Variants in NTN1 observed in about 807,000 individuals in gnomAD.
NTN1 encodes the protein netrin-1.
NTN1 carries 11 observed loss-of-function variants against 54.2 expected under a neutral mutation model. That is an observed-to-expected ratio of 0.20 (90% CI 0.13 to 0.34). The LOEUF (loss-of-function observed/expected upper bound fraction) is 0.34. Ranked by LOEUF, NTN1 falls within the 10% of genes least tolerant of loss-of-function variation. The pLI is 1.00. For synonymous variants in NTN1, 371 were observed against 382.0 expected, an observed-to-expected ratio of 0.97 and a Z score of 0.33; for missense variants, 740 against 893.1, an observed-to-expected ratio of 0.83 and a Z score of 2.18.
In NTN1 at chr17:9,221,165, C is replaced by T; in HGVS notation, c.1412-3C>T. On this transcript the variant is annotated splice_polypyrimidine_tract_variant and splice_region_variant and intron_variant, in intron 5 of 6. Transcript: ENST00000173229. This position sits in a 1 kb window ranked among gnomAD's most constrained non-coding sequence, Gnocchi z 4.5. ...TCTGTGCTCCCCCCCCACCCCCCTGCAGACTGCGATTCCTACTGCAAGGCC... is the reference window on the plus strand; with the variant it reads ...TCTGTGCTCCCCCCCCACCCCCCTGTAGACTGCGATTCCTACTGCAAGGCC... 8 of 1,595,284 alleles carry T rather than the reference C, an allele frequency of 5.0e-6. No homozygotes were observed. Among genetic ancestry groups the T allele is most frequent in the Non-Finnish European group, 6.9e-6 (8 of 1,165,382 alleles).
intron 2 of NTN1, among the ~76,000 whole-genome samples, chr17:9,114,166 A>ATATATATATAT (rs59456522): frequency 8.4e-4 from 63 of 74,590 alleles, no homozygotes; most frequent in African/African-American, 2.7e-3. Flanking sequence ...AAAAAAAAAA[A>ATATATATATAT]ATATATATAT....
In NTN1 at chr17:9,219,722, C is replaced by T. The variant is rs1025574437; in HGVS notation, c.1412-1446C>T. On this transcript the variant is annotated intron_variant, in intron 5 of 6. Coordinates refer to ENST00000173229, the MANE Select transcript of NTN1 (RefSeq NM_004822.3). The surrounding 1 kb of genome is among the most constrained non-coding windows in gnomAD (Gnocchi z 4.5). ...CTGGGAGGCCTCTGCTTTCCTGCTTCGGCTTCCCCTTGTGCTCCCACACAA... is the reference window on the plus strand; with the variant it reads ...CTGGGAGGCCTCTGCTTTCCTGCTTTGGCTTCCCCTTGTGCTCCCACACAA... 6.6e-6 allele frequency among the ~76,000 whole-genome samples: 1 copy of T among 152,204 alleles called. No individual in the cohort carries two copies. The highest frequency in any genetic ancestry group is 2.4e-5 in the African/African-American group (1 of 41,450).
intron 6 of NTN1, among the ~76,000 whole-genome samples, chr17:9,232,916 G>A (rs1472950700): frequency 1.3e-5 from 2 of 152,144 alleles, no homozygotes; most frequent in Non-Finnish European, 2.9e-5. Flanking sequence ...CTCGTGACAC[G>A]CTTTCCACAG....
Position 9,182,929 on chromosome 17 carries a change from G to T in NTN1, c.1371G>T (p.Ala457=). Residue 457 remains alanine (A), a synonymous_variant, in exon 5 of 7, where the codon GCG becomes GCT. Transcript: ENST00000173229. ...AACCTCACAAAGAGATCCCTGTAGC[G>T]CCGCCGACGACTGCAGCCAGCAGCG... ...PIAPCIKIPV[A]PPTTAASSVE... 6.2e-7 allele frequency: 1 copy of T among 1,613,958 alleles called. No individual in the cohort carries two copies. The highest frequency in any genetic ancestry group is 1.1e-5 in the South Asian group (1 of 91,072).
intron 3 of NTN1, among the ~76,000 whole-genome samples, chr17:9,164,858 G>T (rs11651361): frequency 2.0e-5 from 3 of 152,102 alleles, no homozygotes; most frequent in Non-Finnish European, 4.4e-5. Flanking sequence ...TGAATGGGAA[G>T]GTGGCCCAGG....
At chr17:9,210,426 ACACACACACC>A (rs1195875405) in intron 5 of NTN1, among the ~76,000 whole-genome samples, 17 of 84,502 alleles carry the variant, frequency 2.0e-4, no homozygotes, top group African/African-American at 1.0e-3. Context: ...GCGTGCACAC[ACACACACACC>A]CCCACACCCA....
intron 2 of NTN1, among the ~76,000 whole-genome samples, chr17:9,069,295 T>G (rs2092025528): frequency 6.6e-6 from 1 of 152,042 alleles, no homozygotes; most frequent in African/African-American, 2.4e-5. Context: ...AGTTTATAGC[T>G]ATGGGAATTA....
chr17:9,051,963 GT>G (rs781173173), intron 2 of NTN1, among the ~76,000 whole-genome samples: 91 of 144,566 alleles, frequency 6.3e-4, no homozygotes, highest in Non-Finnish European at 6.1e-4. Context: ...ACACGTTTGG[GT>G]TTTTTTTTTT....
chr17:9,035,098 C>A (rs1476840467), intron 2 of NTN1, among the ~76,000 whole-genome samples: 1 of 152,140 alleles, frequency 6.6e-6, no homozygotes, highest in Non-Finnish European at 1.5e-5. Flanking sequence ...AGGCGCCCGC[C>A]ACCACACCCG....
intron 5 of NTN1, among the ~76,000 whole-genome samples, chr17:9,193,888 T>C (rs1904536801): frequency 8.3e-6 from 1 of 120,178 alleles, no homozygotes; most frequent in Non-Finnish European, 1.6e-5. Flanking sequence ...GCCATTGTAC[T>C]CCAGCCTGGG....
rs748059857 is a variant in NTN1, at chr17:9,179,968, G to C, written c.1357+12G>C. The C allele has an allele frequency of 3.1e-6, 5 of 1,607,192 alleles. No individual in the cohort carries two copies. The highest frequency in any genetic ancestry group is 3.3e-4 in the Middle Eastern group (2 of 6,054). Reference sequence around the variant, plus strand: ...CGCCCCCTGCATAAGTATGTGTGGGGCACCCTGCTTTTCAAGTCTCTGGCT... The same window carrying C: ...CGCCCCCTGCATAAGTATGTGTGGGCCACCCTGCTTTTCAAGTCTCTGGCT... On this transcript the variant is annotated intron_variant, in intron 4 of 6. Transcript: ENST00000173229.
intron 2 of NTN1, among the ~76,000 whole-genome samples, chr17:9,050,759 C>T (rs2091957976): frequency 6.6e-6 from 1 of 151,160 alleles, no homozygotes. Flanking sequence ...TCGTTTTCAT[C>T]TGTGAAACGG....
At chr17:9,144,213 C>T (rs983357087) in intron 2 of NTN1, among the ~76,000 whole-genome samples, 15 of 151,770 alleles carry the variant, frequency 9.9e-5, no homozygotes, top group African/African-American at 1.9e-4. Flanking sequence ...TCTTTTATAT[C>T]GATCTCCCCA....
intron 2 of NTN1, among the ~76,000 whole-genome samples, chr17:9,095,380 C>G (rs1296820318): frequency 5.9e-5 from 9 of 152,196 alleles, no homozygotes. Context: ...TTAGTGTATT[C>G]TAGCACTTTC....
intron 5 of NTN1, among the ~76,000 whole-genome samples, chr17:9,198,941 A>T (rs182698107): frequency 1.2e-3 from 185 of 152,246 alleles, no homozygotes; most frequent in Non-Finnish European, 2.2e-3. Flanking sequence ...GGTACCCACT[A>T]CCAGCTCCTG....
intron 2 of NTN1, among the ~76,000 whole-genome samples, chr17:9,110,034 C>T (rs905504335): frequency 5.3e-5 from 8 of 152,132 alleles, no homozygotes; most frequent in Admixed American, 1.3e-4. Flanking sequence ...TACATGGTGC[C>T]ATTATTTTCT....
the NTN1 span, among the ~76,000 whole-genome samples, chr17:9,007,488 TTCTTTC>T: frequency 8.6e-5 from 13 of 151,300 alleles, no homozygotes; most frequent in Admixed American, 7.2e-4. Flanking sequence ...CATTCATTCT[TTCTTTC>T]TCTTTATCTT....
At chr17:9,015,184 G>A in the NTN1 span, among the ~76,000 whole-genome samples, 18 of 152,326 alleles carry the variant, frequency 1.2e-4, no homozygotes, top group Non-Finnish European at 2.1e-4. Flanking sequence ...GCCGAGGCAG[G>A]TGGATCACTT....
At chr17:9,061,060 C>T (rs1363476190) in intron 2 of NTN1, among the ~76,000 whole-genome samples, 1 of 151,260 alleles carries the variant, frequency 6.6e-6, no homozygotes, top group Non-Finnish European at 1.5e-5. Context: ...TACTCAACCA[C>T]AGTGACCTTG....
Sources: allele counts gnomAD v4.1 joint callset (sites outside exome capture counted in the v4.1 genomes callset), GRCh38; gene constraint gnomAD v4.1.1; non-coding constraint Gnocchi (gnomAD v3.1); transcripts MANE v1.5; gene names NCBI Gene and HGNC (gene_info 2026-07-23, HGNC 2026-07-21).